Variants in AQP8 observed in about 807,000 individuals in gnomAD.
AQP8 encodes aquaporin-8.
A neutral mutation model predicts 26.1 loss-of-function variants in AQP8; 14 were observed. The ratio of observed to expected loss-of-function variants is 0.54; its 90% CI spans 0.35 to 0.84. The LOEUF (loss-of-function observed/expected upper bound fraction) is 0.84. AQP8 is among the 40% of genes least tolerant of loss of function. The pLI is 0.01. For synonymous variants in AQP8, 131 were observed against 150.7 expected (o/e 0.87, Z 0.96); for missense variants, 301 against 340.5 (o/e 0.88, Z 0.91).
In AQP8 at chr16:25,224,549, T is replaced by G. The variant is rs1380716075; in HGVS notation, c.575T>G (p.Phe192Cys). The G allele has an allele frequency of 6.2e-7, 1 of 1,612,958 alleles. No individual in the cohort carries two copies. ...KGPLAPFSIG[F>C]AVTVDILAGG... ...CCTCTGGCCCCGTTCTCCATCGGCT[T>G]TGCCGTCACCGTGGATATCCTGGCT... is the stretch of plus-strand genomic sequence containing the variant. Residue 192 changes from phenylalanine to cysteine, a missense_variant, in exon 4 of 6, where the codon TTT becomes TGT. Phe to Cys is a radical substitution (Grantham distance 205). Coordinates refer to ENST00000219660, the MANE Select transcript of AQP8 (RefSeq NM_001169.3).
chr16:25,218,919 A>G (rs1962522399), intron 2 of AQP8, among the ~76,000 whole-genome samples: 1 of 151,188 alleles, frequency 6.6e-6, no homozygotes, highest in Admixed American at 6.6e-5. Context: ...AAAACAAACC[A>G]CATCTCTTTA....
In AQP8 at chr16:25,227,049, G is replaced by T; in HGVS notation, c.603-19G>T. On this transcript the variant is annotated intron_variant, in intron 4 of 5. Transcript: ENST00000219660. Reference sequence around the variant, plus strand: ...GTTTGGCTGGGATCCTGGTGACCTTGGTGCCTGGGTGTTTGCAGGGGCCCT... The same window carrying T: ...GTTTGGCTGGGATCCTGGTGACCTTTGTGCCTGGGTGTTTGCAGGGGCCCT... 1 of 1,613,610 alleles carries T rather than the reference G, an allele frequency of 6.2e-7. No individual in the cohort carries two copies. Among genetic ancestry groups the T allele is most frequent in the Non-Finnish European group, 8.5e-7 (1 of 1,179,970 alleles).
intron 2 of AQP8, among the ~76,000 whole-genome samples, chr16:25,220,038 A>C (rs1962537263): frequency 6.6e-6 from 1 of 150,940 alleles, no homozygotes; most frequent in Non-Finnish European, 1.5e-5. Context: ...CTGTCTCAAA[A>C]AAAAAAACAA....
At chr16:25,217,494 G>A in intron 2 of AQP8, 49 bp downstream of exon 2, 1 of 1,598,218 alleles carries the variant, frequency 6.3e-7, no homozygotes, top group Non-Finnish European at 8.5e-7. Flanking sequence ...GGGGCACTGG[G>A]TGTGGAAAGC....
intron 3 of AQP8, among the ~76,000 whole-genome samples, chr16:25,222,908 C>T (rs1962582897): frequency 6.6e-6 from 1 of 152,226 alleles, no homozygotes; most frequent in African/African-American, 2.4e-5. Flanking sequence ...GACTCGAGCT[C>T]AAGCCCTGCC....
chr16:25,228,375 C>A, intron 5 of AQP8, 69 bp from the exon 6 acceptor site: 1 of 1,493,544 alleles, frequency 6.7e-7, no homozygotes, highest in Non-Finnish European at 9.3e-7. Context: ...ACTTCTGAGC[C>A]TGGAGACATG....
chr16:25,217,350 G>C lies in AQP8; in HGVS notation c.165G>C (p.Ser55=), dbSNP rs185645626. Residue 55 remains serine (S), a synonymous_variant, in exon 2 of 6, where the codon TCG becomes TCC. Transcript: ENST00000219660. The part of the protein sequence containing the change: ...SALFIFIGCL[S]VIENGTDTGL... ...TCTTCATCTTCATCGGGTGCCTGTC[G>C]GTCATTGAGAATGGGACGGACACTG... is the stretch of plus-strand genomic sequence containing the variant. 1.2e-6 allele frequency: 2 copies of C among 1,614,106 alleles called. No homozygotes were observed. The highest frequency in any genetic ancestry group is 2.7e-5 in the African/African-American group (2 of 75,020).
chr16:25,218,091 G>A (rs1962511964), intron 2 of AQP8, among the ~76,000 whole-genome samples: 1 of 152,214 alleles, frequency 6.6e-6, no homozygotes, highest in Non-Finnish European at 1.5e-5. Flanking sequence ...AGAGGCGGGA[G>A]TCAAGAACAA....
chr16:25,216,970 A>G lies in AQP8; in HGVS notation c.-76A>G. 4 of 1,600,008 alleles carry G rather than the reference A, an allele frequency of 2.5e-6. No homozygotes were observed. Among genetic ancestry groups the G allele is most frequent in the Non-Finnish European group, 3.4e-6 (4 of 1,171,130 alleles). ...TCAGCAGGTCCTGTCCCTAGGAGAT[A>G]AGAGTATCTTGCACAGCAGGTGCAG... On this transcript the variant is annotated 5_prime_UTR_variant, in exon 1 of 6. The change creates a new upstream start codon in the 5' untranslated region. Coordinates refer to ENST00000219660, the MANE Select transcript of AQP8 (RefSeq NM_001169.3).
At position 25,228,350 on chromosome 16, in the gene AQP8, GTC is replaced by G. The variant is rs1597632263; in HGVS notation, c.738-93_738-92del. On this transcript the variant is annotated intron_variant, in intron 5 of 5. Coordinates refer to ENST00000219660, the MANE Select transcript of AQP8 (RefSeq NM_001169.3). ...TATTAAGGCTGGGGAGGCTCAGGAAGTCATCTTTCTGGAGACTTCTGAGCCTG... is the reference window on the plus strand; with the variant it reads ...TATTAAGGCTGGGGAGGCTCAGGAAGATCTTTCTGGAGACTTCTGAGCCTG... 3.4e-5 allele frequency: 40 copies of G among 1,185,826 alleles called. No individual in the cohort carries two copies. The East Asian group carries it at 9.4e-4, about 28-fold the overall frequency. The allele number at this position is 1,185,826 out of a possible 1,614,324, so 73.5% of individuals were successfully genotyped here.
intron 2 of AQP8, among the ~76,000 whole-genome samples, chr16:25,219,921 T>C (rs768302970): frequency 6.6e-6 from 1 of 151,728 alleles, no homozygotes; most frequent in Non-Finnish European, 1.5e-5. Context: ...CGTTATCCCA[T>C]CTACTTGGGA....
rs772283013 is a variant in AQP8, at chr16:25,218,894, C to CA, written c.260+1452dup. On this transcript the variant is annotated intron_variant, in intron 2 of 5. Coordinates refer to ENST00000219660, the MANE Select transcript of AQP8 (RefSeq NM_001169.3). The stretch of plus-strand genomic sequence containing the variant: ...ACTCCATCTCCAAAAAACAAACAAA[C>CA]AAACAAACAAACAAAAAACAAACCA... Among the ~76,000 whole-genome samples, 91 of 151,176 alleles carry CA rather than the reference C, an allele frequency of 6.0e-4. 2 individuals carry two copies. The highest frequency in any genetic ancestry group is 1.6e-3 in the Admixed American group (25 of 15,182).
In AQP8 at chr16:25,224,553, C is replaced by T. The variant is rs367568969; in HGVS notation, c.579C>T (p.Ala193=). ...TGGCCCCGTTCTCCATCGGCTTTGC[C>T]GTCACCGTGGATATCCTGGCTGGGT... ...GPLAPFSIGF[A]VTVDILAGGP... is the part of the protein sequence containing the mutation. The change falls in exon 4 of 6, where the codon GCC becomes GCT. Residue 193 remains alanine (A), a synonymous_variant. Coordinates refer to ENST00000219660, the MANE Select transcript of AQP8 (RefSeq NM_001169.3). 70 of 1,612,390 alleles carry T rather than the reference C, an allele frequency of 4.3e-5. No individual in the cohort carries two copies. Among genetic ancestry groups the T allele is most frequent in the African/African-American group, 1.2e-4 (9 of 74,922 alleles).
At chr16:25,220,923 C>T (rs1257769520) in intron 2 of AQP8, among the ~76,000 whole-genome samples, 5 of 152,210 alleles carry the variant, frequency 3.3e-5, no homozygotes, top group African/African-American at 1.2e-4. Flanking sequence ...TGGTGGCACA[C>T]ACCTGTAGTT....
chr16:25,222,148 C>T (rs1336350813), intron 3 of AQP8, among the ~76,000 whole-genome samples: 1 of 152,072 alleles, frequency 6.6e-6, no homozygotes, highest in Non-Finnish European at 1.5e-5. Context: ...TCACTGCAGG[C>T]TCGACCTCCT....
chr16:25,219,840 C>G (rs1962533949), intron 2 of AQP8, among the ~76,000 whole-genome samples: 1 of 151,634 alleles, frequency 6.6e-6, no homozygotes, highest in Non-Finnish European at 1.5e-5. Flanking sequence ...AGTTCGAGAC[C>G]AACCTGGCCA....
In AQP8 at chr16:25,219,779, G is replaced by A. The variant is rs569532642; in HGVS notation, c.261-1678G>A. On this transcript the variant is annotated intron_variant, in intron 2 of 5. Coordinates refer to ENST00000219660, the MANE Select transcript of AQP8 (RefSeq NM_001169.3). Reference sequence around the variant, plus strand: ...AGGTCAGGCGCAGTGGCTCACGCCTGTAATCCCAGCACTTTGGGAGGCCGA... The same window carrying A: ...AGGTCAGGCGCAGTGGCTCACGCCTATAATCCCAGCACTTTGGGAGGCCGA... 7.5e-4 allele frequency among the ~76,000 whole-genome samples: 113 copies of A among 151,468 alleles called. 2 individuals are homozygous for A. The highest frequency in any genetic ancestry group is 1.2e-3 in the Non-Finnish European group (82 of 67,828).
intron 3 of AQP8, 139 bp downstream of exon 3, chr16:25,221,722 A>G (rs1359914784): frequency 1.9e-6 from 2 of 1,033,728 alleles, no homozygotes; most frequent in African/African-American, 3.2e-5. Flanking sequence ...GAATTGGTGG[A>G]CGTTTTTCTT....
At chr16:25,218,152 G>C (rs375387210) in intron 2 of AQP8, among the ~76,000 whole-genome samples, 1 of 152,204 alleles carries the variant, frequency 6.6e-6, no homozygotes, top group African/African-American at 2.4e-5. Flanking sequence ...GAAGTCATGA[G>C]AATTAAATGA....
Sources: allele counts gnomAD v4.1 joint callset (sites outside exome capture counted in the v4.1 genomes callset), GRCh38; gene constraint gnomAD v4.1.1; transcripts MANE v1.5; gene names NCBI Gene and HGNC (gene_info 2026-07-23, HGNC 2026-07-21).